ATP2C2: variants seen among roughly 807,000 people sequenced by gnomAD.
The protein encoded by ATP2C2 is ATPase secretory pathway Ca2+ transporting 2.
In ATP2C2, 171 loss-of-function variants were observed where a neutral mutation model predicts 110.8. That is an observed-to-expected ratio of 1.54 (90% CI 1.36 to 1.75). The LOEUF is 1.75. ATP2C2 is among the 40% of genes most tolerant of loss of function. The pLI is 0.00. For synonymous variants in ATP2C2, 804 were observed against 508.4 expected, an observed-to-expected ratio of 1.58 and a Z score of -7.82; for missense variants, 1,963 against 1,235.0, an observed-to-expected ratio of 1.59 and a Z score of -8.84.
At chr16:84,422,723 A>G (rs1907462787) in intron 9 of ATP2C2, 26 bp downstream of exon 9, 1 of 1,586,010 alleles carries the variant, frequency 6.3e-7, no homozygotes, top group Non-Finnish European at 8.6e-7. Context: ...GGGCTTCGGG[A>G]CTTTTGTAAG....
intron 1 of ATP2C2, among the ~76,000 whole-genome samples, chr16:84,385,343 C>T (rs1904304819): frequency 6.6e-6 from 1 of 152,156 alleles, no homozygotes; most frequent in Admixed American, 6.5e-5. Flanking sequence ...CTCAACTATT[C>T]ATGAGATATC....
chr16:84,399,170 A>G (rs1467310360), intron 2 of ATP2C2, among the ~76,000 whole-genome samples: 1 of 152,268 alleles, frequency 6.6e-6, no homozygotes, highest in East Asian at 1.9e-4. Flanking sequence ...GTGCACGTGC[A>G]TACTCAGAAC....
At chr16:84,381,526 G>A (rs905645941) in intron 1 of ATP2C2, among the ~76,000 whole-genome samples, 51 of 152,014 alleles carry the variant, frequency 3.4e-4, no homozygotes, top group African/African-American at 1.2e-3. Context: ...GCAGTGAGCC[G>A]AGATCATGCC....
At chr16:84,430,017 GTCTCT>G (rs368211159) in intron 11 of ATP2C2, among the ~76,000 whole-genome samples, 18 of 152,092 alleles carry the variant, frequency 1.2e-4, no homozygotes, top group African/African-American at 4.3e-4. Context: ...CTGTCTCTGC[GTCTCT>G]TCTCTTCTTT....
At chr16:84,434,478 A>G (rs1045059072) in intron 11 of ATP2C2, among the ~76,000 whole-genome samples, 3 of 152,002 alleles carry the variant, frequency 2.0e-5, no homozygotes, top group African/African-American at 7.2e-5. Context: ...AAGATGATAC[A>G]AGGCACTTGC....
chr16:84,423,396 C>G (rs1243313134), intron 10 of ATP2C2, 133 bp downstream of exon 10: 7 of 792,956 alleles, frequency 8.8e-6, no homozygotes, highest in Non-Finnish European at 1.4e-5. Flanking sequence ...ATCAGAGGCT[C>G]TCCACAAGCA....
chr16:84,461,742 G>A lies in ATP2C2; in HGVS notation c.2510G>A (p.Arg837His), dbSNP rs746453029. Residue 837 changes from arginine to histidine, a missense_variant, in exon 25 of 27, where the codon CGC becomes CAC. Arg to His is a conservative substitution (Grantham distance 29, BLOSUM62 0). Transcript: ENST00000262429. ...CCTGAAGACAGAGCAAGCACTCCCC[G>A]CACCACGACGATGACGTTCACTTGT... The part of the protein sequence containing the change: ...EMPEDRASTP[R>H]TTTMTFTCFV... 2.1e-5 allele frequency: 34 copies of A among 1,614,042 alleles called. No homozygotes were observed. The highest frequency in any genetic ancestry group is 5.0e-5 in the Admixed American group (3 of 60,002).
At chr16:84,399,067 C>T (rs935280723) in intron 2 of ATP2C2, among the ~76,000 whole-genome samples, 14 of 152,234 alleles carry the variant, frequency 9.2e-5, no homozygotes, top group African/African-American at 3.4e-4. Context: ...AAACCAAATT[C>T]TCCCAAGTTT....
chr16:84,410,941 G>A, intron 6 of ATP2C2, 176 bp downstream of exon 6: 1 of 648,476 alleles, frequency 1.5e-6, no homozygotes, highest in South Asian at 1.8e-5. Context: ...TGTGTCCTCG[G>A]GCATGTCACT....
intron 11 of ATP2C2, among the ~76,000 whole-genome samples, chr16:84,436,107 T>A (rs11649191): frequency 0.18 from 26,658 of 152,162 alleles, 2,719 homozygotes; most frequent in East Asian, 0.51. Flanking sequence ...CCAGCCTGGG[T>A]GACAGAGTGA....
chr16:84,456,444 C>T (rs960755747), intron 21 of ATP2C2, among the ~76,000 whole-genome samples: 3 of 148,628 alleles, frequency 2.0e-5, no homozygotes, highest in African/African-American at 7.4e-5. Flanking sequence ...GACAGGGATG[C>T]CCTCTCTCAC....
chr16:84,383,371 A>G (rs1411229362), intron 1 of ATP2C2, among the ~76,000 whole-genome samples: 1 of 152,230 alleles, frequency 6.6e-6, no homozygotes, highest in Non-Finnish European at 1.5e-5. Context: ...AAATGGGCAC[A>G]GCGCCTGCCA....
chr16:84,402,773 T>A (rs2150516205), intron 2 of ATP2C2, among the ~76,000 whole-genome samples: 1 of 152,300 alleles, frequency 6.6e-6, no homozygotes, highest in African/African-American at 2.4e-5. Flanking sequence ...TGTGTCTTTG[T>A]CTGGTTTTGG....
intron 21 of ATP2C2, 82 bp downstream of exon 21, chr16:84,455,066 A>C: frequency 2.9e-5 from 37 of 1,283,916 alleles, no homozygotes; most frequent in East Asian, 9.5e-5. Context: ...TACTGTGGAG[A>C]TAGAGGGGGG....
chr16:84,461,869 C>T (rs564065272), intron 25 of ATP2C2, 57 bp downstream of exon 25: 100 of 1,607,172 alleles, frequency 6.2e-5, no homozygotes, highest in East Asian at 5.6e-4. Context: ...TCGACAGCAG[C>T]GCCCCGACCC....
intron 16 of ATP2C2, among the ~76,000 whole-genome samples, chr16:84,447,891 C>A (rs1406665109): frequency 1.1e-5 from 1 of 92,798 alleles, no homozygotes; most frequent in African/African-American, 3.3e-5. Flanking sequence ...ATATTAATAA[C>A]ATATATAATT....
At position 84,448,565 on chromosome 16, in the gene ATP2C2, C is replaced by T. The variant is rs367631917; in HGVS notation, c.1536C>T (p.Ala512=). 2.5e-5 allele frequency: 40 copies of T among 1,613,296 alleles called. No individual in the cohort carries two copies. The African/African-American group carries it at 5.1e-4, about 20-fold the overall frequency. The change falls in exon 17 of 27, where the codon GCC becomes GCT. Residue 512 remains alanine, a synonymous_variant. Transcript: ENST00000262429. ...DQEDIYFMKG[A]LEEVIRYCTM... ...AAGACATTTACTTCATGAAAGGGGC[C>T]TTGGAAGAGGTGATCCGCTACTGCA...
At position 84,410,562 on chromosome 16, in the gene ATP2C2, G is replaced by T; in HGVS notation, c.418-6G>T. On this transcript the variant is annotated splice_region_variant and splice_polypyrimidine_tract_variant and intron_variant, in intron 4 of 26. Coordinates refer to ENST00000262429, the MANE Select transcript of ATP2C2 (RefSeq NM_014861.4). ...GTACTGACACCCTCCTCCGTTTGCT[G>T]TCTAGGCAGTGCTTGTCGTGGTCAC... 6.2e-7 allele frequency: 1 copy of T among 1,613,902 alleles called. No individual in the cohort carries two copies. The highest frequency in any genetic ancestry group is 8.5e-7 in the Non-Finnish European group (1 of 1,179,932).
chr16:84,455,350 C>T (rs756919442), intron 21 of ATP2C2, among the ~76,000 whole-genome samples: 7 of 152,142 alleles, frequency 4.6e-5, no homozygotes, highest in Middle Eastern at 3.2e-3. Flanking sequence ...TGGCCAAATA[C>T]GTGCTCACAC....
Sources: allele counts gnomAD v4.1 joint callset (sites outside exome capture counted in the v4.1 genomes callset), GRCh38; gene constraint gnomAD v4.1.1; transcripts MANE v1.5; gene names NCBI Gene and HGNC (gene_info 2026-07-23, HGNC 2026-07-21).